The following HECW2 variants were observed in gnomAD, a reference collection of about 807,000 sequenced individuals.
HECW2 encodes the protein E3 ubiquitin-protein ligase HECW2.
A neutral mutation model predicts 175.2 loss-of-function variants in HECW2; 61 were observed. That is an observed-to-expected ratio of 0.35 (90% confidence interval 0.28 to 0.43). The LOEUF (loss-of-function observed/expected upper bound fraction) is 0.43. Among genes scored for constraint, HECW2 ranks in the 20% least tolerant of loss-of-function variants. HECW2 has a pLI of 1.00. For missense variants in HECW2, 1,524 were observed against 2,000.5 expected, an observed-to-expected ratio of 0.76 and a Z score of 4.54; for synonymous variants, 671 against 731.0, an observed-to-expected ratio of 0.92 and a Z score of 1.32.
intron 1 of HECW2, among the ~76,000 whole-genome samples, chr2:196,536,229 C>A (rs1689015635): frequency 3.3e-5 from 5 of 152,332 alleles, no homozygotes; most frequent in African/African-American, 1.2e-4. Context: ...CACTTTGATG[C>A]TCCTGTAAAA....
intron 2 of HECW2, among the ~76,000 whole-genome samples, chr2:196,351,975 G>A (rs1693185988): frequency 6.6e-6 from 1 of 152,310 alleles, no homozygotes; most frequent in African/African-American, 2.4e-5. Context: ...GCTACATTGA[G>A]GAGAAAACTG....
At chr2:196,332,532 A>C (rs1692405298) in intron 4 of HECW2, among the ~76,000 whole-genome samples, 2 of 152,212 alleles carry the variant, frequency 1.3e-5, no homozygotes, top group Admixed American at 6.5e-5. Flanking sequence ...AACCTGTTTG[A>C]AGCAAATTAT....
At chr2:196,502,292 T>C (rs1197889235) in intron 1 of HECW2, among the ~76,000 whole-genome samples, 2 of 152,236 alleles carry the variant, frequency 1.3e-5, no homozygotes, top group Admixed American at 1.3e-4. Context: ...TGTTCCAACC[T>C]AATTGAACTG....
intron 2 of HECW2, among the ~76,000 whole-genome samples, chr2:196,362,744 G>A (rs1461276457): frequency 2.0e-5 from 3 of 152,216 alleles, no homozygotes; most frequent in Non-Finnish European, 4.4e-5. Flanking sequence ...ACTGGAAAGA[G>A]TTGGGGTAGG....
intron 1 of HECW2, among the ~76,000 whole-genome samples, chr2:196,475,781 G>A (rs1191699246): frequency 6.6e-6 from 1 of 152,230 alleles, no homozygotes; most frequent in Non-Finnish European, 1.5e-5. Flanking sequence ...GGTCTGAGAG[G>A]TGCAAGGACT....
chr2:196,262,401 AC>A (rs544330097), intron 17 of HECW2, among the ~76,000 whole-genome samples: 100 of 152,302 alleles, frequency 6.6e-4, no homozygotes, highest in African/African-American at 2.2e-3. Flanking sequence ...TTATACTAAT[AC>A]AAAGTATTAT....
At chr2:196,372,526 T>C (rs1693936676) in intron 2 of HECW2, among the ~76,000 whole-genome samples, 1 of 152,210 alleles carries the variant, frequency 6.6e-6, no homozygotes, top group Admixed American at 6.5e-5. Context: ...AGGTGTAGGA[T>C]GGAGAACCTG....
intron 3 of HECW2, among the ~76,000 whole-genome samples, chr2:196,339,790 T>A (rs568089151): frequency 6.6e-6 from 1 of 152,368 alleles, no homozygotes; most frequent in South Asian, 2.1e-4. Context: ...TCTGTGAGCC[T>A]GAGCTCTCTT....
chr2:196,277,529 G>A (rs957309726), intron 15 of HECW2, among the ~76,000 whole-genome samples: 4 of 152,144 alleles, frequency 2.6e-5, no homozygotes, highest in Admixed American at 1.3e-4. Context: ...CTGTTGGTGG[G>A]ACTGTAAATT....
chr2:196,354,043 A>C (rs1165191995), intron 2 of HECW2, among the ~76,000 whole-genome samples: 2 of 152,186 alleles, frequency 1.3e-5, no homozygotes. Flanking sequence ...AGTAATCAAA[A>C]GGCTGTTAAT....
At chr2:196,337,394 T>C (rs1256958156) in intron 3 of HECW2, among the ~76,000 whole-genome samples, 1 of 151,448 alleles carries the variant, frequency 6.6e-6, no homozygotes, top group Non-Finnish European at 1.5e-5. Flanking sequence ...CGATGACTGA[T>C]TAGGGAGGAC....
intron 2 of HECW2, among the ~76,000 whole-genome samples, chr2:196,349,124 C>G (rs987714293): frequency 1.3e-5 from 2 of 152,194 alleles, no homozygotes; most frequent in African/African-American, 4.8e-5. Flanking sequence ...ACCTTTTTCT[C>G]TAGAGGGACC....
intron 28 of HECW2, among the ~76,000 whole-genome samples, chr2:196,207,222 G>A (rs1415302946): frequency 2.6e-5 from 4 of 152,126 alleles, no homozygotes; most frequent in African/African-American, 4.8e-5. Context: ...CTTTAAATAA[G>A]GCAGGGAATA....
chr2:196,277,816 A>G (rs1690015465), intron 15 of HECW2, among the ~76,000 whole-genome samples: 1 of 151,914 alleles, frequency 6.6e-6, no homozygotes, highest in South Asian at 2.1e-4. Flanking sequence ...TGATGAGTTC[A>G]TGTCCTTTGT....
intron 2 of HECW2, among the ~76,000 whole-genome samples, chr2:196,403,010 T>C (rs934023651): frequency 1.3e-5 from 2 of 152,164 alleles, no homozygotes; most frequent in African/African-American, 4.8e-5. Context: ...TTTCACTATG[T>C]TGGCCAGGCT....
chr2:196,275,594 A>G lies in HECW2; in HGVS notation c.3136-1471T>C, dbSNP rs191643051. ...TGGTGAAACCCCATCTCTACTAAAAATACAAAAATTAGCCGGGCGCGGTGG... is the reference window on the plus strand; with the variant it reads ...TGGTGAAACCCCATCTCTACTAAAAGTACAAAAATTAGCCGGGCGCGGTGG... On this transcript the variant is annotated intron_variant, in intron 15 of 28. Coordinates refer to ENST00000644978, the MANE Select transcript of HECW2 (RefSeq NM_001348768.2). 2.3e-3 allele frequency among the ~76,000 whole-genome samples: 351 copies of G among 152,272 alleles called. 2 individuals are homozygous for G. The highest frequency in any genetic ancestry group is 7.9e-3 in the African/African-American group (330 of 41,548).
At chr2:196,348,334 C>T (rs576870142) in intron 2 of HECW2, among the ~76,000 whole-genome samples, 23 of 151,988 alleles carry the variant, frequency 1.5e-4, no homozygotes, top group African/African-American at 5.3e-4. Flanking sequence ...TCAAAATGCC[C>T]CCAACCCAAA....
chr2:196,430,108 G>A (rs1559105797), intron 2 of HECW2, among the ~76,000 whole-genome samples: 1 of 152,030 alleles, frequency 6.6e-6, no homozygotes, highest in Non-Finnish European at 1.5e-5. Flanking sequence ...CTAATATAAG[G>A]CCTACCATAC....
intron 23 of HECW2, among the ~76,000 whole-genome samples, chr2:196,222,735 T>A (rs1322300863): frequency 2.0e-5 from 3 of 152,134 alleles, no homozygotes; most frequent in African/African-American, 7.2e-5. Context: ...AAAATACTGT[T>A]ATCTTAATTT....
Sources: allele counts gnomAD v4.1 joint callset (sites outside exome capture counted in the v4.1 genomes callset), GRCh38; gene constraint gnomAD v4.1.1; transcripts MANE v1.5; gene names NCBI Gene and HGNC (gene_info 2026-07-23, HGNC 2026-07-21).